The following MACROD2 variants were observed in gnomAD, a reference collection of about 807,000 sequenced individuals.
MACROD2 encodes the protein mono-ADP ribosylhydrolase 2.
MACROD2 carries 36 observed loss-of-function variants against 70.4 expected under a neutral mutation model. The ratio of observed to expected loss-of-function variants is 0.51; its 90% CI spans 0.39 to 0.68. The LOEUF is 0.68. MACROD2 is among the 30% of genes least tolerant of loss of function. MACROD2 has a pLI of 0.00. For missense variants in MACROD2, 496 were observed against 538.4 expected, an observed-to-expected ratio of 0.92 and a Z score of 0.78; for synonymous variants, 172 against 178.8, an observed-to-expected ratio of 0.96 and a Z score of 0.30.
intron 5 of MACROD2, among the ~76,000 whole-genome samples, chr20:14,788,871 C>T (rs1247922063): frequency 6.9e-6 from 1 of 145,696 alleles, no homozygotes; most frequent in African/African-American, 2.5e-5. Flanking sequence ...TGGGTTGAAG[C>T]AATTCCCCTG....
At chr20:14,094,399 G>C (rs2054194896) in intron 3 of MACROD2, among the ~76,000 whole-genome samples, 1 of 152,134 alleles carries the variant, frequency 6.6e-6, no homozygotes, top group Non-Finnish European at 1.5e-5. Context: ...TTGTACATAT[G>C]ACATATCAAG....
chr20:15,665,018 T>C (rs1355575594), intron 8 of MACROD2, among the ~76,000 whole-genome samples: 1 of 152,100 alleles, frequency 6.6e-6, no homozygotes, highest in Non-Finnish European at 1.5e-5. Context: ...TCTAGTTGGA[T>C]TGCATAATGA....
chr20:14,070,411 T>A (rs894433999), intron 2 of MACROD2, among the ~76,000 whole-genome samples: 1 of 152,086 alleles, frequency 6.6e-6, no homozygotes, highest in African/African-American at 2.4e-5. Flanking sequence ...CAAGAAATGA[T>A]CTCAGAAACA....
intron 3 of MACROD2, among the ~76,000 whole-genome samples, chr20:14,409,801 A>G (rs1453384994): frequency 1.3e-5 from 2 of 152,114 alleles, no homozygotes; most frequent in Non-Finnish European, 2.9e-5. Context: ...TTGATACAAG[A>G]ATGCTCAAAG....
chr20:15,469,977 A>G (rs117264221), intron 7 of MACROD2, among the ~76,000 whole-genome samples: 5,816 of 152,304 alleles, frequency 0.038, 153 homozygotes, highest in Non-Finnish European at 0.062. Context: ...TTAGTTGTCA[A>G]CTTGACAATT....
intron 5 of MACROD2, among the ~76,000 whole-genome samples, chr20:14,995,644 G>A (rs1235056515): frequency 1.3e-5 from 2 of 152,134 alleles, no homozygotes; most frequent in African/African-American, 2.4e-5. Flanking sequence ...GTCATACGCT[G>A]TCAGTGGAAT....
chr20:15,771,350 A>AT (rs2051622475), intron 8 of MACROD2, among the ~76,000 whole-genome samples: 1 of 143,108 alleles, frequency 7.0e-6, no homozygotes, highest in African/African-American at 2.7e-5. Flanking sequence ...AATTATTATT[A>AT]TTATTTTTTT....
chr20:14,912,611 TG>T (rs989873849), intron 5 of MACROD2, among the ~76,000 whole-genome samples: 7 of 151,864 alleles, frequency 4.6e-5, no homozygotes, highest in African/African-American at 1.7e-4. Context: ...TCATTGGAGG[TG>T]AATTGCGACT....
intron 6 of MACROD2, among the ~76,000 whole-genome samples, chr20:15,349,769 A>C (rs1305895621): frequency 1.3e-5 from 2 of 151,130 alleles, no homozygotes; most frequent in African/African-American, 4.9e-5. Flanking sequence ...AAAAAAAAAA[A>C]CACACCACGA....
intron 1 of MACROD2, among the ~76,000 whole-genome samples, 193 bp downstream of exon 1, chr20:13,996,002 CT>C (rs1468407641): frequency 6.6e-6 from 1 of 152,168 alleles, no homozygotes; most frequent in Non-Finnish European, 1.5e-5. Context: ...CGCGCCGCCC[CT>C]GGGCACCTGC....
chr20:15,900,720 G>A (rs1026126237), intron 10 of MACROD2, among the ~76,000 whole-genome samples: 1 of 152,170 alleles, frequency 6.6e-6, no homozygotes, highest in African/African-American at 2.4e-5. Context: ...CACTCTTGGA[G>A]GTAACCCAAG....
At chr20:16,011,375 C>T (rs931318525) in intron 15 of MACROD2, among the ~76,000 whole-genome samples, 3 of 152,150 alleles carry the variant, frequency 2.0e-5, no homozygotes, top group African/African-American at 7.2e-5. Context: ...TGCCTGACAT[C>T]TCTGAGGTAG....
chr20:15,246,201 G>T (rs1360838939), intron 6 of MACROD2, among the ~76,000 whole-genome samples: 2 of 152,090 alleles, frequency 1.3e-5, no homozygotes, highest in Admixed American at 6.6e-5. Flanking sequence ...TTGGTATTTT[G>T]GTGAGTATAT....
chr20:14,785,918 A>G (rs2072364794), intron 5 of MACROD2, among the ~76,000 whole-genome samples: 1 of 152,080 alleles, frequency 6.6e-6, no homozygotes, highest in South Asian at 2.1e-4. Context: ...AAAAAAGATT[A>G]AAAGGACAAT....
At chr20:14,669,412 TG>T (rs748611491) in intron 4 of MACROD2, among the ~76,000 whole-genome samples, 1 of 152,116 alleles carries the variant, frequency 6.6e-6, no homozygotes, top group Admixed American at 6.6e-5. Flanking sequence ...ATTTCTTTTT[TG>T]CTCCTTAATA....
At chr20:15,174,870 A>G (rs1053235055) in intron 5 of MACROD2, among the ~76,000 whole-genome samples, 1 of 151,584 alleles carries the variant, frequency 6.6e-6, no homozygotes, top group Non-Finnish European at 1.5e-5. Flanking sequence ...TTTTCTTGTA[A>G]ATTTGTTTGA....
At chr20:15,772,097 A>ATAT (rs1305604286) in intron 8 of MACROD2, among the ~76,000 whole-genome samples, 947 of 92,824 alleles carry the variant, frequency 0.01, 5 homozygotes, top group Non-Finnish European at 0.012. Context: ...AAAAAAAAAA[A>ATAT]AAAAATATAT....
At chr20:14,467,050 C>G (rs1267351080) in intron 3 of MACROD2, among the ~76,000 whole-genome samples, 1 of 152,164 alleles carries the variant, frequency 6.6e-6, no homozygotes, top group Admixed American at 6.5e-5. Context: ...AACCACTACT[C>G]TCTTTAAAGC....
At chr20:15,128,278 C>T (rs956591677) in intron 5 of MACROD2, among the ~76,000 whole-genome samples, 6 of 152,002 alleles carry the variant, frequency 3.9e-5, no homozygotes, top group Non-Finnish European at 8.8e-5. Flanking sequence ...TAAGTCCTAC[C>T]ATATGATGGC....
Sources: allele counts gnomAD v4.1 joint callset (sites outside exome capture counted in the v4.1 genomes callset), GRCh38; gene constraint gnomAD v4.1.1; transcripts MANE v1.5; gene names NCBI Gene and HGNC (gene_info 2026-07-23, HGNC 2026-07-21).